TNFRSF10B: variants seen among roughly 807,000 people sequenced by gnomAD.
TNFRSF10B encodes tumor necrosis factor receptor superfamily member 10B.
Under a neutral mutation model 41.4 loss-of-function variants are expected in TNFRSF10B, and 35 were observed. That is an observed-to-expected ratio of 0.85 (90% CI 0.65 to 1.12). TNFRSF10B has a LOEUF of 1.12. Among genes scored for constraint, TNFRSF10B ranks in the 50% most tolerant of loss-of-function variants. The pLI, the probability that TNFRSF10B is intolerant of heterozygous loss-of-function variation, is 0.00. For synonymous variants in TNFRSF10B, 230 were observed against 215.5 expected, an observed-to-expected ratio of 1.07 and a Z score of -0.59; for missense variants, 584 against 552.7, an observed-to-expected ratio of 1.06 and a Z score of -0.57.
intron 1 of TNFRSF10B, 118 bp downstream of exon 1, chr8:23,068,633 G>A: frequency 1.4e-6 from 2 of 1,447,526 alleles, no homozygotes; most frequent in Non-Finnish European, 1.8e-6. Flanking sequence ...GTCTTGCCCG[G>A]ACATGCCCGG....
chr8:23,068,918 T>C lies in TNFRSF10B; in HGVS notation c.-24A>G, dbSNP rs748731779. 1.9e-6 allele frequency: 3 copies of C among 1,613,214 alleles called. No individual in the cohort carries two copies. Among genetic ancestry groups the C allele is most frequent in the Admixed American group, 3.3e-5 (2 of 60,034 alleles). On this transcript the variant is annotated 5_prime_UTR_variant, in exon 1 of 9. Transcript: ENST00000276431. ...ATGGCGGTAGGGAACGCTCTTATAG[T>C]CTCTCAGGCCCGTGGGTTTCAGCCC...
chr8:23,062,491 T>C (rs1450031089), intron 1 of TNFRSF10B, among the ~76,000 whole-genome samples: 1 of 152,250 alleles, frequency 6.6e-6, no homozygotes, highest in African/African-American at 2.4e-5. Context: ...GTGCTGGGAT[T>C]ATAGGCGTGA....
At chr8:23,031,829 G>C (rs534088222) in intron 2 of TNFRSF10B, among the ~76,000 whole-genome samples, 5 of 151,756 alleles carry the variant, frequency 3.3e-5, no homozygotes, top group Non-Finnish European at 7.4e-5. Context: ...AAAACATTGA[G>C]ATATTTTACA....
intron 1 of TNFRSF10B, among the ~76,000 whole-genome samples, chr8:23,066,946 C>T (rs1469210782): frequency 6.6e-6 from 1 of 152,022 alleles, no homozygotes; most frequent in South Asian, 2.1e-4. Context: ...AACCCCAAAT[C>T]CAAGAAATTC....
chr8:23,058,137 C>T (rs914754906), intron 1 of TNFRSF10B, among the ~76,000 whole-genome samples: 1 of 152,280 alleles, frequency 6.6e-6, no homozygotes, highest in African/African-American at 2.4e-5. Flanking sequence ...ATCCCAGCTA[C>T]TTGGGAGGCT....
intron 1 of TNFRSF10B, among the ~76,000 whole-genome samples, chr8:23,066,626 G>A (rs866155527): frequency 2.0e-5 from 3 of 152,000 alleles, no homozygotes; most frequent in Non-Finnish European, 4.4e-5. Flanking sequence ...ACATAAACTC[G>A]GCTGGGCGTG....
chr8:23,061,151 TTCA>T (rs779797751), intron 1 of TNFRSF10B, among the ~76,000 whole-genome samples: 56 of 152,230 alleles, frequency 3.7e-4, no homozygotes, highest in Non-Finnish European at 7.2e-4. Flanking sequence ...GTTTTACACC[TTCA>T]TCATGACATA....
At chr8:23,068,487 T>C (rs920314465) in intron 1 of TNFRSF10B, 1 of 560,624 alleles carries the variant, frequency 1.8e-6, no homozygotes, top group Non-Finnish European at 3.1e-6. Flanking sequence ...TACTCGGGAA[T>C]TCCCTCCTTG....
Position 23,027,739 on chromosome 8 carries a change from G to A in TNFRSF10B, c.763C>T (p.Pro255Ser). ...KGICSGGGGD[P>S]ERVDRSSQRP... ...CAACTCACTCTGTCCACACGCTCAG[G>A]GTCCCCACCACCACCTAAAAAAGAA... The change falls in exon 6 of 9, where the codon CCT becomes TCT. Residue 255 changes from proline (P) to serine (S), a missense_variant. By Grantham distance (74) the Pro-to-Ser change is moderately conservative. Transcript: ENST00000276431. The A allele has an allele frequency of 6.2e-7, 1 of 1,614,028 alleles. No individual in the cohort carries two copies. Among genetic ancestry groups the A allele is most frequent in the Non-Finnish European group, 8.5e-7 (1 of 1,179,996 alleles).
chr8:23,059,196 A>AGT, intron 1 of TNFRSF10B, among the ~76,000 whole-genome samples: 2 of 152,360 alleles, frequency 1.3e-5, no homozygotes, highest in East Asian at 3.9e-4. Context: ...TTCAAGGCTG[A>AGT]GTAATACTCC....
At chr8:23,027,047 G>C in intron 7 of TNFRSF10B, 86 bp downstream of exon 7, 1 of 1,600,348 alleles carries the variant, frequency 6.2e-7, no homozygotes, top group Non-Finnish European at 8.5e-7. Context: ...TGGGCCAGGA[G>C]AGCTAAGGCA....
intron 2 of TNFRSF10B, 69 bp downstream of exon 2, chr8:23,043,069 G>C: frequency 6.9e-7 from 1 of 1,450,388 alleles, no homozygotes; most frequent in Non-Finnish European, 9.6e-7. Flanking sequence ...AAGTGCAAAG[G>C]AAACAGACTG....
At position 23,020,241 on chromosome 8, in the gene TNFRSF10B, C is replaced by T. The variant is rs750254048; in HGVS notation, c.*2430G>A. 1.9e-4 allele frequency: 88 copies of T among 453,626 alleles called. No homozygotes were observed. Among genetic ancestry groups the T allele is most frequent in the Non-Finnish European group, 3.4e-4 (78 of 226,476 alleles). 28.1% of individuals were successfully genotyped at this position (453,626 alleles called of 1,614,324 possible). ...TATTATAACACATTTCAAATAGGGA[C>T]CTTTGACAGGGCAGAAGCATGAAAG... On this transcript the variant is annotated 3_prime_UTR_variant, in exon 9 of 9. Coordinates refer to ENST00000276431, the MANE Select transcript of TNFRSF10B (RefSeq NM_003842.5).
intron 4 of TNFRSF10B, 69 bp downstream of exon 4, chr8:23,029,541 G>GGGGTA: frequency 6.8e-7 from 1 of 1,460,512 alleles, no homozygotes. Flanking sequence ...GGGAGAGACA[G>GGGGTA]GGGTACAAGG....
Position 23,020,658 on chromosome 8 carries a change from C to T in TNFRSF10B, c.*2013G>A, listed in dbSNP as rs1563301566. The T allele has an allele frequency of 2.2e-6, 1 of 453,910 alleles. No individual in the cohort carries two copies. The highest frequency in any genetic ancestry group is 2.0e-5 in the African/African-American group (1 of 49,996). 28.1% of individuals were successfully genotyped at this position (453,910 alleles called of 1,614,324 possible). On this transcript the variant is annotated 3_prime_UTR_variant, in exon 9 of 9. Transcript: ENST00000276431. ...ACTGAGCCAAGATCGTACCGTTGCA[C>T]TCCAGCCTGGGCGAGAGAGTGAGAT... is the stretch of plus-strand genomic sequence containing the variant.
intron 3 of TNFRSF10B, 139 bp downstream of exon 3, chr8:23,030,620 C>G: frequency 4.3e-6 from 3 of 695,668 alleles, no homozygotes; most frequent in Non-Finnish European, 7.7e-6. Flanking sequence ...TTAAAAAGCT[C>G]AAAGACAAAA....
In TNFRSF10B at chr8:23,029,648, T is replaced by C; in HGVS notation, c.438A>G (p.Glu146=). ...TCCGGCACATCTCAGGAGAATCTTC[T>C]TCCCGGAAGGTGCCTTCTTCGCACT... ...VCQCEEGTFR[E]EDSPEMCRKC... is the part of the protein sequence containing the mutation. Residue 146 remains glutamate (E), a synonymous_variant, in exon 4 of 9, where the codon GAA becomes GAG. Transcript: ENST00000276431. 1 of 1,613,428 alleles carries C rather than the reference T, an allele frequency of 6.2e-7. No homozygotes were observed. Among genetic ancestry groups the C allele is most frequent in the Non-Finnish European group, 8.5e-7 (1 of 1,179,812 alleles).
chr8:23,065,444 T>G (rs1446339974), intron 1 of TNFRSF10B, among the ~76,000 whole-genome samples: 2 of 152,188 alleles, frequency 1.3e-5, no homozygotes, highest in Non-Finnish European at 1.5e-5. Flanking sequence ...ACATGTCCAG[T>G]GTCTGCTGAG....
intron 1 of TNFRSF10B, among the ~76,000 whole-genome samples, chr8:23,049,594 T>C (rs1052677772): frequency 6.6e-6 from 1 of 152,228 alleles, no homozygotes; most frequent in African/African-American, 2.4e-5. Flanking sequence ...CTTATGTCTT[T>C]AGATGAATGC....
Sources: allele counts gnomAD v4.1 joint callset (sites outside exome capture counted in the v4.1 genomes callset), GRCh38; gene constraint gnomAD v4.1.1; transcripts MANE v1.5; gene names NCBI Gene and HGNC (gene_info 2026-07-23, HGNC 2026-07-21).